Variants in HEMK2 observed in about 807,000 individuals in gnomAD.
HEMK2 encodes methyltransferase HEMK2.
chr21:28,615,596 A>T, the HEMK2 span, among the ~76,000 whole-genome samples: 2 of 152,172 alleles, frequency 1.3e-5, no homozygotes, highest in African/African-American at 4.8e-5. Context: ...CAAAAAAATA[A>T]AAATAAAAAG....
At chr21:28,841,340 TTA>T in the HEMK2 span, among the ~76,000 whole-genome samples, 294 of 16,440 alleles carry the variant, frequency 0.018, 50 homozygotes, top group African/African-American at 0.17. Context: ...TAAATATATA[TTA>T]TATATATAAA....
chr21:28,585,980 T>C, the HEMK2 span, among the ~76,000 whole-genome samples: 2 of 152,154 alleles, frequency 1.3e-5, no homozygotes, highest in South Asian at 2.1e-4. Flanking sequence ...TTCCCTAAGA[T>C]TCATGAATTA....
At chr21:28,576,035 C>G in the HEMK2 span, among the ~76,000 whole-genome samples, 1 of 152,126 alleles carries the variant, frequency 6.6e-6, no homozygotes, top group South Asian at 2.1e-4. Context: ...TTATCATGAA[C>G]AAAATTGTAA....
At chr21:28,724,008 T>A in the HEMK2 span, among the ~76,000 whole-genome samples, 1 of 152,164 alleles carries the variant, frequency 6.6e-6, no homozygotes, top group Non-Finnish European at 1.5e-5. Flanking sequence ...TTCTAAGTAT[T>A]AAGAGTTGCT....
At chr21:28,868,280 G>T in the HEMK2 span, among the ~76,000 whole-genome samples, 1 of 152,136 alleles carries the variant, frequency 6.6e-6, no homozygotes, top group South Asian at 2.1e-4. Context: ...ACACTTTTGA[G>T]ATTTTGACTG....
At chr21:28,613,335 T>C in the HEMK2 span, among the ~76,000 whole-genome samples, 1 of 152,090 alleles carries the variant, frequency 6.6e-6, no homozygotes, top group Non-Finnish European at 1.5e-5. Context: ...TATTTGCTGA[T>C]ACCTCCCTCC....
the HEMK2 span, among the ~76,000 whole-genome samples, chr21:28,860,279 C>T: frequency 1.3e-5 from 2 of 152,022 alleles, no homozygotes; most frequent in Non-Finnish European, 2.9e-5. Flanking sequence ...GGCCTAGCCT[C>T]CCAGCCTACA....
the HEMK2 span, among the ~76,000 whole-genome samples, chr21:28,760,372 G>T: frequency 6.6e-6 from 1 of 152,176 alleles, no homozygotes. Context: ...TTTAGGCTTT[G>T]TGGCACATGT....
the HEMK2 span, among the ~76,000 whole-genome samples, chr21:28,659,800 T>C: frequency 1.3e-5 from 2 of 152,042 alleles, no homozygotes; most frequent in East Asian, 3.9e-4. Flanking sequence ...GGGCTATCTT[T>C]GGTCTCTTGC....
the HEMK2 span, among the ~76,000 whole-genome samples, chr21:28,599,466 G>A: frequency 6.6e-6 from 1 of 152,026 alleles, no homozygotes; most frequent in Non-Finnish European, 1.5e-5. Context: ...AATAGTATGG[G>A]GAAAATCACC....
the HEMK2 span, among the ~76,000 whole-genome samples, chr21:28,764,447 C>G: frequency 1.3e-5 from 2 of 151,988 alleles, no homozygotes; most frequent in African/African-American, 4.8e-5. Flanking sequence ...AAGAACGCCC[C>G]TTATAATAAA....
the HEMK2 span, among the ~76,000 whole-genome samples, chr21:28,685,715 A>C: frequency 1.3e-5 from 2 of 152,216 alleles, no homozygotes; most frequent in Admixed American, 1.3e-4. Context: ...TTCTGTATAA[A>C]CTGAACTCAG....
the HEMK2 span, among the ~76,000 whole-genome samples, chr21:28,851,160 G>A: frequency 1.3e-5 from 2 of 152,136 alleles, no homozygotes; most frequent in Admixed American, 1.3e-4. Context: ...TTTCTCAAAA[G>A]GAGAGTAGTT....
chr21:28,739,597 G>A, the HEMK2 span, among the ~76,000 whole-genome samples: 3 of 152,082 alleles, frequency 2.0e-5, no homozygotes, highest in Non-Finnish European at 2.9e-5. Flanking sequence ...ATTACTGTCC[G>A]GTCACCCTCC....
chr21:28,726,891 T>C, the HEMK2 span, among the ~76,000 whole-genome samples: 1 of 142,014 alleles, frequency 7.0e-6, no homozygotes, highest in Non-Finnish European at 1.5e-5. Context: ...AAAAAAATTA[T>C]TTAGAATATC....
chr21:28,878,217 T>C, the HEMK2 span: 1 of 1,590,366 alleles, frequency 6.3e-7, no homozygotes, highest in East Asian at 2.3e-5. Flanking sequence ...TAATGGTAAC[T>C]AAATAGAATA....
chr21:28,850,212 GCATT>G, the HEMK2 span, among the ~76,000 whole-genome samples: 6 of 141,992 alleles, frequency 4.2e-5, no homozygotes, highest in Non-Finnish European at 9.1e-5. Flanking sequence ...CCTACATTCA[GCATT>G]CTTTTTTTTT....
the HEMK2 span, among the ~76,000 whole-genome samples, chr21:28,597,308 G>A: frequency 1.3e-5 from 2 of 152,142 alleles, no homozygotes; most frequent in African/African-American, 4.8e-5. Flanking sequence ...GCTTACTCTT[G>A]GAACTGTCAG....
the HEMK2 span, chr21:28,878,414 T>A: frequency 2.0e-6 from 3 of 1,525,738 alleles, no homozygotes; most frequent in Admixed American, 3.6e-5. Context: ...ACAAGTAATA[T>A]CACCAAAAAA....
Sources: gnomAD v4.1 joint callset for allele counts (sites outside exome capture counted in the v4.1 genomes callset) on GRCh38, gnomAD v4.1.1 for gene constraint, MANE v1.5 for transcripts, NCBI Gene and HGNC (gene_info 2026-07-23, HGNC 2026-07-21) for gene names.